Variants in PCDHA1 observed in about 807,000 individuals in gnomAD.
PCDHA1 encodes the protein protocadherin alpha 1.
Under a neutral mutation model 61.3 loss-of-function variants are expected in PCDHA1, and 42 were observed. The ratio of observed to expected loss-of-function variants is 0.69; its 90% CI spans 0.54 to 0.89. The LOEUF (loss-of-function observed/expected upper bound fraction) is 0.89. PCDHA1 is among the 40% of genes least tolerant of loss of function. The pLI is 0.00. For synonymous variants in PCDHA1, 610 were observed against 553.8 expected (o/e 1.10, Z -1.43); for missense variants, 1,256 against 1,235.3 (o/e 1.02, Z -0.25).
At chr5:140,876,567 G>A (rs782286416) in intron 1 of PCDHA1, 1 of 1,614,186 alleles carries the variant, frequency 6.2e-7, no homozygotes, top group Non-Finnish European at 8.5e-7. Context: ...ATGCTCAGGT[G>A]GGTACCGTCA....
At chr5:140,884,732 A>G in intron 1 of PCDHA1, 2 of 1,448,046 alleles carry the variant, frequency 1.4e-6, no homozygotes, top group South Asian at 1.6e-5. Flanking sequence ...TGTTTAAGAC[A>G]TCTTTCCTGC....
At chr5:140,976,585 C>A (rs1415996919) in intron 1 of PCDHA1, among the ~76,000 whole-genome samples, 1 of 152,064 alleles carries the variant, frequency 6.6e-6, no homozygotes, top group African/African-American at 2.4e-5. Flanking sequence ...AAAACACAGA[C>A]TTTTGTGTTA....
At position 140,809,295 on chromosome 5, in the gene PCDHA1, C is replaced by T. The variant is rs1554125121; in HGVS notation, c.2394+20611C>T. The T allele has an allele frequency of 5.6e-6, 9 of 1,613,996 alleles. No homozygotes were observed. In the Admixed American group the frequency reaches 8.3e-5, roughly 15 times the overall value. ...GATGTCAACGTATACCTGATCATTG[C>T]CATCTGCGCGGTGTCCAGCCTTTTG... On this transcript the variant is annotated intron_variant, in intron 1 of 3. Coordinates refer to ENST00000504120, the MANE Select transcript of PCDHA1 (RefSeq NM_018900.4).
chr5:140,994,017 T>C (rs2153920554), intron 3 of PCDHA1, among the ~76,000 whole-genome samples: 1 of 152,336 alleles, frequency 6.6e-6, no homozygotes, highest in South Asian at 2.1e-4. Flanking sequence ...TTCTAGGTGA[T>C]GCAGATATAA....
At chr5:140,807,013 A>T in intron 1 of PCDHA1, 2 of 781,696 alleles carry the variant, frequency 2.6e-6, no homozygotes, top group South Asian at 1.8e-5. Flanking sequence ...ACCACAAAAT[A>T]CATGAGAGAA....
chr5:140,884,947 C>CA (rs2060414559), intron 1 of PCDHA1, among the ~76,000 whole-genome samples: 1 of 152,090 alleles, frequency 6.6e-6, no homozygotes, highest in Non-Finnish European at 1.5e-5. Context: ...TGAGCATTTA[C>CA]AAAAAATTCC....
chr5:140,897,769 C>T (rs1441051679), intron 1 of PCDHA1, among the ~76,000 whole-genome samples: 2 of 152,198 alleles, frequency 1.3e-5, no homozygotes, highest in Non-Finnish European at 2.9e-5. Flanking sequence ...GCCACACTGA[C>T]TTCCACAATG....
intron 1 of PCDHA1, chr5:140,967,668 C>T (rs1554229751): frequency 1.2e-6 from 2 of 1,614,108 alleles, no homozygotes; most frequent in Non-Finnish European, 8.5e-7. Flanking sequence ...AGCTACACGT[C>T]GGACCGGGAG....
chr5:140,998,195 A>C (rs1409926168), intron 3 of PCDHA1, among the ~76,000 whole-genome samples: 6 of 152,164 alleles, frequency 3.9e-5, no homozygotes, highest in African/African-American at 1.2e-4. Flanking sequence ...ACAAGTATTA[A>C]CTCCTTTAAT....
intron 1 of PCDHA1, among the ~76,000 whole-genome samples, chr5:140,791,729 A>G (rs1761673714): frequency 6.6e-6 from 1 of 152,230 alleles, no homozygotes; most frequent in Non-Finnish European, 1.5e-5. Flanking sequence ...TTAAATATAA[A>G]AGGTAGCAGA....
Position 140,788,953 on chromosome 5 carries a change from T to C in PCDHA1, c.2394+269T>C, listed in dbSNP as rs1417480559. ...ATACAAGGTACAATAAAAGGTAATG[T>C]TGGTCATATTTAACACAATATCTCA... On this transcript the variant is annotated intron_variant, in intron 1 of 3. Transcript: ENST00000504120. 5.1e-6 allele frequency: 3 copies of C among 587,370 alleles called. No homozygotes were observed. In the African/African-American group the frequency reaches 5.7e-5, roughly 11 times the overall value. The allele number at this position is 587,370 out of a possible 1,614,324, so 36.4% of individuals were successfully genotyped here. A position where few individuals can be genotyped will look rare whatever the true frequency, so the allele number is the denominator to read the frequency against.
rs149174279 is a variant in PCDHA1, at chr5:140,843,203, A to G, written c.2394+54519A>G. 525 of 1,595,940 alleles carry G rather than the reference A, an allele frequency of 3.3e-4. 48 individuals carry two copies. Among genetic ancestry groups the G allele is most frequent in the Non-Finnish European group, 7.1e-5 (83 of 1,165,544 alleles). ...CATCCCGTTCCGCGTGGGGCTGTAC[A>G]CGGGCGAGATCAGCACCACTCGTGT... is the stretch of plus-strand genomic sequence containing the variant. On this transcript the variant is annotated intron_variant, in intron 1 of 3. Coordinates refer to ENST00000504120, the MANE Select transcript of PCDHA1 (RefSeq NM_018900.4).
At chr5:140,961,387 C>T (rs1249667395) in intron 1 of PCDHA1, among the ~76,000 whole-genome samples, 1 of 152,148 alleles carries the variant, frequency 6.6e-6, no homozygotes, top group Admixed American at 6.5e-5. Flanking sequence ...TTGAACTATT[C>T]CATTAGTAAA....
intron 3 of PCDHA1, among the ~76,000 whole-genome samples, chr5:140,999,495 A>G (rs868986339): frequency 6.6e-6 from 1 of 152,142 alleles, no homozygotes; most frequent in South Asian, 2.1e-4. Flanking sequence ...TATGTTACCC[A>G]AGAACCTACA....
At position 140,877,186 on chromosome 5, in the gene PCDHA1, A is replaced by C; in HGVS notation, c.2394+88502A>C. On this transcript the variant is annotated intron_variant, in intron 1 of 3. Coordinates refer to ENST00000504120, the MANE Select transcript of PCDHA1 (RefSeq NM_018900.4). The stretch of plus-strand genomic sequence containing the variant: ...GGCACTGCTGGCGACTCCGGCTGGC[A>C]GCGCAGGAGGCGCAGTTAGCGAGTT... 1 of 1,613,832 alleles carries C rather than the reference A, an allele frequency of 6.2e-7. No homozygotes were observed. Among genetic ancestry groups the C allele is most frequent in the Non-Finnish European group, 8.5e-7 (1 of 1,179,822 alleles).
Position 140,877,800 on chromosome 5 carries a change from T to G in PCDHA1, c.2394+89116T>G. 2.5e-6 allele frequency: 4 copies of G among 1,613,522 alleles called. No homozygotes were observed. In the Middle Eastern group the frequency reaches 5.0e-4, roughly 200 times the overall value. On this transcript the variant is annotated intron_variant, in intron 1 of 3. Transcript: ENST00000504120. ...ACCTCATGGCCTTCAGCCCAAGCCT[T>G]CAGCTGTCTCGAGAAGATTGTTTAA...
intron 1 of PCDHA1, among the ~76,000 whole-genome samples, chr5:140,885,441 A>G (rs568228687): frequency 6.6e-6 from 1 of 152,232 alleles, no homozygotes; most frequent in African/African-American, 2.4e-5. Context: ...GTGTGCAATT[A>G]TATATTATTT....
chr5:140,841,278 T>A, intron 1 of PCDHA1: 5 of 1,521,548 alleles, frequency 3.3e-6, no homozygotes, highest in Non-Finnish European at 3.5e-6. Context: ...GTCGTTCATC[T>A]TTATATTAAG....
At position 140,876,440 on chromosome 5, in the gene PCDHA1, T is replaced by C. The variant is rs369023443; in HGVS notation, c.2394+87756T>C. 23 of 1,613,876 alleles carry C rather than the reference T, an allele frequency of 1.4e-5. No individual in the cohort carries two copies. In the Admixed American group the frequency reaches 1.5e-4, roughly 11 times the overall value. On this transcript the variant is annotated intron_variant, in intron 1 of 3. Transcript: ENST00000504120. ...GCCTATGAAATTCAGGTTAACGCCA[T>C]TGATAAAGGGATTCCTTCCATGGCA...
Sources: gnomAD v4.1 joint callset for allele counts (sites outside exome capture counted in the v4.1 genomes callset) on GRCh38, gnomAD v4.1.1 for gene constraint, MANE v1.5 for transcripts, NCBI Gene and HGNC (gene_info 2026-07-23, HGNC 2026-07-21) for gene names.